Variants in LRGUK observed in about 807,000 individuals in gnomAD.
LRGUK encodes leucine rich repeats and guanylate kinase domain containing, also known as leucine-rich repeat and guanylate kinase domain-containing protein.
A neutral mutation model predicts 76.0 loss-of-function variants in LRGUK; 65 were observed. The ratio of observed to expected loss-of-function variants is 0.85; its 90% CI spans 0.70 to 1.05. LRGUK has a LOEUF of 1.05. Ranked by LOEUF, LRGUK falls within the 50% of genes least tolerant of loss-of-function variation. The pLI, the probability that LRGUK is intolerant of heterozygous loss-of-function variation, is 0.00. For missense variants in LRGUK, 758 were observed against 732.8 expected, an observed-to-expected ratio of 1.03 and a Z score of -0.40; for synonymous variants, 268 against 265.6, an observed-to-expected ratio of 1.01 and a Z score of -0.09.
intron 10 of LRGUK, 84 bp downstream of exon 10, chr7:134,178,693 G>A (rs1799594284): frequency 9.9e-7 from 1 of 1,012,516 alleles, no homozygotes; most frequent in Non-Finnish European, 1.4e-6. Context: ...CCTATTTTGT[G>A]ACCCCTTTAT....
chr7:134,206,717 CA>C (rs1253356227), intron 15 of LRGUK, among the ~76,000 whole-genome samples: 1 of 152,068 alleles, frequency 6.6e-6, no homozygotes, highest in Non-Finnish European at 1.5e-5. Flanking sequence ...ACTATATTCA[CA>C]ACTCAGTATT....
At chr7:134,212,513 A>G (rs1801312222), downstream of LRGUK, among the ~76,000 whole-genome samples, 1 of 152,236 alleles carries the variant, frequency 6.6e-6, no homozygotes, top group Admixed American at 6.5e-5. Context: ...GCAGTAGAGG[A>G]AACTGATATT....
At chr7:134,188,742 T>C (rs1479469271) in intron 11 of LRGUK, among the ~76,000 whole-genome samples, 1 of 152,172 alleles carries the variant, frequency 6.6e-6, no homozygotes, top group Non-Finnish European at 1.5e-5. Flanking sequence ...TGGCTACCCA[T>C]TGATAGAGCT....
chr7:134,135,747 C>G (rs1358296148), intron 1 of LRGUK, among the ~76,000 whole-genome samples: 1 of 152,204 alleles, frequency 6.6e-6, no homozygotes, highest in Non-Finnish European at 1.5e-5. Context: ...GCTCTGCCTC[C>G]TGGGTTCACG....
intron 9 of LRGUK, among the ~76,000 whole-genome samples, chr7:134,177,915 A>G (rs572797798): frequency 2.0e-4 from 30 of 152,204 alleles, no homozygotes; most frequent in Non-Finnish European, 2.8e-4. Context: ...ATAGATGAGG[A>G]TAATGTATTT....
chr7:134,206,588 GTA>G (rs1255994092), intron 15 of LRGUK, among the ~76,000 whole-genome samples: 3 of 150,532 alleles, frequency 2.0e-5, no homozygotes, highest in Non-Finnish European at 4.4e-5. Flanking sequence ...GTGTGTGTGT[GTA>G]TATATATATA....
At chr7:134,192,352 A>T (rs1317877224) in intron 12 of LRGUK, among the ~76,000 whole-genome samples, 1 of 152,204 alleles carries the variant, frequency 6.6e-6, no homozygotes, top group Non-Finnish European at 1.5e-5. Context: ...TTGCTAGAAG[A>T]TGGGAGATGA....
chr7:134,261,736 C>T (rs946152878), intron 19 of LRGUK, among the ~76,000 whole-genome samples: 9 of 152,154 alleles, frequency 5.9e-5, no homozygotes, highest in Admixed American at 5.2e-4. Flanking sequence ...CTCTAAAGGA[C>T]CATATAGTAA....
intron 7 of LRGUK, among the ~76,000 whole-genome samples, chr7:134,170,213 G>A (rs111861683): frequency 0.017 from 2,649 of 151,702 alleles, 81 homozygotes; most frequent in African/African-American, 0.056. Context: ...TCTGCTTTTC[G>A]TTGTACTCAT....
intron 11 of LRGUK, among the ~76,000 whole-genome samples, chr7:134,190,948 T>TTCTGGGGATTGTCAGTAGTTGAGC (rs1554467160): frequency 2.4e-5 from 1 of 41,742 alleles, no homozygotes. Flanking sequence ...TTGAGCGGTG[T>TTCTGGGGATTGTCAGTAGTTGAGC]GGTGGGATGG....
At chr7:134,206,940 C>T (rs1206160950) in intron 15 of LRGUK, among the ~76,000 whole-genome samples, 1 of 152,136 alleles carries the variant, frequency 6.6e-6, no homozygotes, top group Non-Finnish European at 1.5e-5. Flanking sequence ...GAGAACTGAG[C>T]AGTTGACTAG....
chr7:134,241,891 A>C (rs1171532783), intron 16 of LRGUK, among the ~76,000 whole-genome samples: 4 of 152,250 alleles, frequency 2.6e-5, no homozygotes, highest in Non-Finnish European at 5.9e-5. Flanking sequence ...AGAGCTCAGG[A>C]TTAAGAAACT....
At chr7:134,258,210 C>A (rs748497286) in intron 18 of LRGUK, 47 bp from the exon 19 acceptor site, 6 of 1,610,308 alleles carry the variant, frequency 3.7e-6, no homozygotes, top group Non-Finnish European at 5.1e-6. Context: ...CCATTAGTAG[C>A]GAATAGTTTG....
chr7:134,175,467 A>G (rs1799441092), intron 8 of LRGUK, among the ~76,000 whole-genome samples: 1 of 152,210 alleles, frequency 6.6e-6, no homozygotes, highest in Admixed American at 6.5e-5. Context: ...GCATTTCTGG[A>G]AAAGTAAGAG....
intron 18 of LRGUK, among the ~76,000 whole-genome samples, chr7:134,250,724 G>A (rs1030980203): frequency 5.3e-5 from 8 of 152,098 alleles, no homozygotes; most frequent in East Asian, 1.9e-4. Flanking sequence ...TTCTGTAACC[G>A]TGTTGAAACT....
chr7:134,261,294 T>A (rs1177313614), intron 19 of LRGUK, among the ~76,000 whole-genome samples: 1 of 151,896 alleles, frequency 6.6e-6, no homozygotes, highest in Admixed American at 6.6e-5. Context: ...GAAGTTGATT[T>A]TTTTTTTTAC....
intron 15 of LRGUK, among the ~76,000 whole-genome samples, chr7:134,206,771 C>T (rs1049308182): frequency 6.6e-6 from 1 of 152,132 alleles, no homozygotes; most frequent in African/African-American, 2.4e-5. Flanking sequence ...CAACCTACTT[C>T]TGGGATAGTC....
exon 17 of LRGUK, chr7:134,247,639 T>G: frequency 6.2e-7 from 1 of 1,611,542 alleles, no homozygotes; most frequent in Admixed American, 1.7e-5. Context: ...CACTCCTATT[T>G]CAAAGGTAGC....
intron 11 of LRGUK, among the ~76,000 whole-genome samples, chr7:134,184,152 G>A (rs954892801): frequency 2.0e-5 from 3 of 152,146 alleles, no homozygotes; most frequent in Non-Finnish European, 2.9e-5. Context: ...GTTCTGGAAC[G>A]ATAGAATCTT....
Sources: allele counts gnomAD v4.1 joint callset (sites outside exome capture counted in the v4.1 genomes callset), GRCh38; gene constraint gnomAD v4.1.1; transcripts MANE v1.5; gene names NCBI Gene and HGNC (gene_info 2026-07-23, HGNC 2026-07-21).